RFX6: variants seen among roughly 807,000 people sequenced by gnomAD.
RFX6 encodes the protein DNA-binding protein RFX6.
A neutral mutation model predicts 110.8 loss-of-function variants in RFX6; 50 were observed. That is an observed-to-expected ratio of 0.45 (90% CI 0.36 to 0.57). The LOEUF is 0.57. Ranked by LOEUF, RFX6 falls within the 20% of genes least tolerant of loss-of-function variation. RFX6 has a pLI of 0.00. For synonymous variants in RFX6, 383 were observed against 411.2 expected (o/e 0.93, Z 0.83); for missense variants, 990 against 1,127.0 (o/e 0.88, Z 1.74).
At chr6:116,895,645 TACACACAC>T (rs146991192) in intron 6 of RFX6, among the ~76,000 whole-genome samples, 18 of 147,940 alleles carry the variant, frequency 1.2e-4, no homozygotes, top group East Asian at 6.0e-4. Flanking sequence ...CTACTTTGTG[TACACACAC>T]ACACACACAC....
intron 16 of RFX6, among the ~76,000 whole-genome samples, chr6:116,926,547 G>T (rs956302378): frequency 6.6e-6 from 1 of 152,102 alleles, no homozygotes; most frequent in South Asian, 2.1e-4. Flanking sequence ...TCTACCAATG[G>T]AACACTGGCG....
In RFX6 at chr6:116,931,525, G is replaced by T. The variant is rs766170707; in HGVS notation, c.*19G>T. ...CACTTAAACCACCAATGTGGGAGGG[G>T]GTGCTAAAACTTTAAAAAAAATCTC... On this transcript the variant is annotated 3_prime_UTR_variant, in exon 19 of 19. Transcript: ENST00000332958. The T allele has an allele frequency of 2.5e-6, 4 of 1,593,700 alleles. No individual in the cohort carries two copies. Among genetic ancestry groups the T allele is most frequent in the South Asian group, 1.1e-5 (1 of 90,198 alleles).
In RFX6 at chr6:116,922,057, T is replaced by C. The variant is rs1377466817; in HGVS notation, c.1343T>C (p.Val448Ala). Reference sequence around the variant, plus strand: ...TCCTGGGTAGATGACTCTATCACTGTGTTCCAAGAACTGAAGGATCTCCTT... The same window carrying C: ...TCCTGGGTAGATGACTCTATCACTGCGTTCCAAGAACTGAAGGATCTCCTT... ...GIYTEHDSIT[V>A]FQELKDLLKK... Residue 448 changes from valine (V) to alanine (A), a missense_variant, in exon 13 of 19, where the codon GTG (valine) becomes GCG (alanine). Physicochemically the swap from Val to Ala is moderately conservative, Grantham distance 64 (BLOSUM62 0). Transcript: ENST00000332958. 1 of 1,484,324 alleles carries C rather than the reference T, an allele frequency of 6.7e-7. No individual in the cohort carries two copies. Among genetic ancestry groups the C allele is most frequent in the Non-Finnish European group, 9.4e-7 (1 of 1,063,850 alleles). 91.9% of individuals were successfully genotyped at this position (1,484,324 alleles called of 1,614,324 possible). A position where few individuals can be genotyped will look rare whatever the true frequency, so the allele number is the denominator to read the frequency against.
intron 6 of RFX6, among the ~76,000 whole-genome samples, chr6:116,910,593 T>A (rs544794172): frequency 2.6e-5 from 4 of 152,350 alleles, no homozygotes; most frequent in African/African-American, 9.6e-5. Context: ...GTTAAAATAA[T>A]TTCAGTAGTT....
intron 9 of RFX6, 49 bp downstream of exon 9, chr6:116,916,363 A>G (rs1775463552): frequency 2.0e-6 from 2 of 997,096 alleles, no homozygotes; most frequent in East Asian, 4.8e-5. Context: ...TTCTTTACGT[A>G]GCATTCTATC....
intron 4 of RFX6, among the ~76,000 whole-genome samples, chr6:116,891,402 GT>G (rs1582514379): frequency 6.6e-6 from 1 of 152,172 alleles, no homozygotes; most frequent in Non-Finnish European, 1.5e-5. Flanking sequence ...GAAAATTGAA[GT>G]TATAATAAAA....
At chr6:116,890,800 A>T (rs917225209) in intron 4 of RFX6, among the ~76,000 whole-genome samples, 4 of 152,120 alleles carry the variant, frequency 2.6e-5, no homozygotes, top group Non-Finnish European at 4.4e-5. Flanking sequence ...AGTATATATA[A>T]AATAGTTACT....
chr6:116,915,517 G>A (rs1302030786), intron 7 of RFX6, among the ~76,000 whole-genome samples: 1 of 152,080 alleles, frequency 6.6e-6, no homozygotes, highest in East Asian at 1.9e-4. Flanking sequence ...CCCAAGTTGA[G>A]CTGACTCCAG....
chr6:116,904,487 G>T (rs1398083746), intron 6 of RFX6, among the ~76,000 whole-genome samples: 1 of 151,914 alleles, frequency 6.6e-6, no homozygotes, highest in South Asian at 2.1e-4. Context: ...TTTGTAATTG[G>T]TTTTTGTTCA....
intron 7 of RFX6, among the ~76,000 whole-genome samples, chr6:116,913,112 C>T (rs1196210383): frequency 6.6e-6 from 1 of 152,150 alleles, no homozygotes; most frequent in Non-Finnish European, 1.5e-5. Flanking sequence ...GTTGCCCAGG[C>T]TGGAGTGCAG....
At chr6:116,892,757 G>C (rs937480797) in intron 4 of RFX6, among the ~76,000 whole-genome samples, 1 of 152,280 alleles carries the variant, frequency 6.6e-6, no homozygotes, top group East Asian at 1.9e-4. Context: ...GAATATTTTT[G>C]TTAGCTGTTC....
At chr6:116,884,399 T>G (rs763340521) in intron 4 of RFX6, among the ~76,000 whole-genome samples, 1 of 152,190 alleles carries the variant, frequency 6.6e-6, no homozygotes, top group Non-Finnish European at 1.5e-5. Context: ...TAATACTTAT[T>G]TAATTGATTG....
At chr6:116,922,239 G>T in intron 13 of RFX6, 88 bp downstream of exon 13, 1 of 765,506 alleles carries the variant, frequency 1.3e-6, no homozygotes. Flanking sequence ...GGGGGAGAGG[G>T]GTGGAAGGCT....
At chr6:116,888,050 A>T (rs995443177) in intron 4 of RFX6, among the ~76,000 whole-genome samples, 3 of 152,226 alleles carry the variant, frequency 2.0e-5, no homozygotes, top group African/African-American at 4.8e-5. Flanking sequence ...GTGGGTTAAT[A>T]AAACTGATAC....
At position 116,924,700 on chromosome 6, in the gene RFX6, T is replaced by G; in HGVS notation, c.1587T>G (p.Asp529Glu). 6.2e-7 allele frequency: 1 copy of G among 1,608,598 alleles called. No individual in the cohort carries two copies. The change falls in exon 15 of 19, where the codon GAT becomes GAG. Residue 529 changes from aspartate (D) to glutamate (E), a missense_variant. Asp to Glu is a conservative substitution (Grantham distance 45, BLOSUM62 2). This residue lies in a region of RFX6 where 89 missense variants were observed against 140.3 expected (regional missense o/e 0.63). Transcript: ENST00000332958. ...TTCATTTGATTCGAATGCTTCTCGA[T>G]GAATACATTCTCCTGGCCATGGAGA... is the stretch of plus-strand genomic sequence containing the variant. ...GSFHLIRMLL[D>E]EYILLAMETQ...
chr6:116,930,936 G>A lies in RFX6; in HGVS notation c.2612-395G>A, dbSNP rs548568050. On this transcript the variant is annotated intron_variant, in intron 18 of 18. Coordinates refer to ENST00000332958, the MANE Select transcript of RFX6 (RefSeq NM_173560.4). Reference sequence around the variant, plus strand: ...CAGCAATATCATTCTGGTTGCTCTCGGGAAGGTGAGTGGGTGAAACAAAGG... The same window carrying A: ...CAGCAATATCATTCTGGTTGCTCTCAGGAAGGTGAGTGGGTGAAACAAAGG... 3.3e-5 allele frequency among the ~76,000 whole-genome samples: 5 copies of A among 152,160 alleles called. No individual in the cohort carries two copies. The East Asian group carries it at 7.7e-4, about 24-fold the overall frequency.
intron 4 of RFX6, among the ~76,000 whole-genome samples, chr6:116,885,694 G>C (rs1774686052): frequency 6.6e-6 from 1 of 151,704 alleles, no homozygotes; most frequent in African/African-American, 2.4e-5. Flanking sequence ...TTGAATGTTT[G>C]ATTTTTGACA....
At chr6:116,925,866 C>A (rs1239868728) in intron 16 of RFX6, among the ~76,000 whole-genome samples, 3 of 151,576 alleles carry the variant, frequency 2.0e-5, no homozygotes, top group Non-Finnish European at 2.9e-5. Context: ...TGTCTTGACA[C>A]ACTCCATAAA....
At chr6:116,913,088 C>T (rs951016335) in intron 7 of RFX6, among the ~76,000 whole-genome samples, 1 of 152,030 alleles carries the variant, frequency 6.6e-6, no homozygotes, top group African/African-American at 2.4e-5. Flanking sequence ...TCTTTTGAGA[C>T]AGACCCTCCC....
Sources: gnomAD v4.1 joint callset for allele counts (sites outside exome capture counted in the v4.1 genomes callset) on GRCh38, gnomAD v4.1.1 for gene constraint, gnomAD v4.1.1 regional missense constraint, MANE v1.5 for transcripts, NCBI Gene and HGNC (gene_info 2026-07-23, HGNC 2026-07-21) for gene names.